Variants in NEXMIF observed in about 807,000 individuals in gnomAD.
The protein encoded by NEXMIF is XLMR protein related to neurite extension.
A neutral mutation model predicts 62.1 loss-of-function variants in NEXMIF; 8 were observed. That is an observed-to-expected ratio of 0.13 (90% CI 0.08 to 0.23). NEXMIF has a LOEUF of 0.23. Ranked by LOEUF, NEXMIF falls within the 10% of genes least tolerant of loss-of-function variation. The pLI is 1.00. For missense variants in NEXMIF, 976 were observed against 1,113.3 expected (o/e 0.88, Z 1.75); for synonymous variants, 404 against 416.6 (o/e 0.97, Z 0.37).
At chrX:74,771,999 A>C (rs1263007047) in intron 1 of NEXMIF, among the ~76,000 whole-genome samples, 1 of 111,499 alleles carries the variant, frequency 9.0e-6, no homozygotes, top group Non-Finnish European at 1.9e-5. Flanking sequence ...GTGGTAATTC[A>C]AGGAGGGGGA....
intron 1 of NEXMIF, among the ~76,000 whole-genome samples, chrX:74,820,755 C>A (rs960518581): frequency 1.8e-5 from 2 of 111,878 alleles, no homozygotes; most frequent in African/African-American, 6.5e-5. Flanking sequence ...AGGAACATTT[C>A]TGTTCCTAAT....
rs1035787865 is a variant in NEXMIF, at chrX:74,863,005, T to C, written c.-48+61878A>G. Among the ~76,000 whole-genome samples the C allele has an allele frequency of 4.6e-5, 5 of 109,638 alleles. No homozygotes were observed. In the Admixed American group the frequency reaches 4.9e-4, roughly 11 times the overall value. ...GGCTAACATGGTGAAACTCGGTCCC[T>C]ACAAAAAAATACAAAACTTAGCCGG... On this transcript the variant is annotated intron_variant, in intron 1 of 3. Coordinates refer to ENST00000055682, the MANE Select transcript of NEXMIF (RefSeq NM_001008537.3).
chrX:74,809,650 T>G (rs2080354860), intron 1 of NEXMIF, among the ~76,000 whole-genome samples: 2 of 111,688 alleles, frequency 1.8e-5, no homozygotes, highest in African/African-American at 6.5e-5. Flanking sequence ...ATGAAGAAAC[T>G]GAGTCATATG....
intron 1 of NEXMIF, among the ~76,000 whole-genome samples, chrX:74,794,491 T>C (rs1450362701): frequency 4.5e-5 from 5 of 111,676 alleles, no homozygotes; most frequent in Non-Finnish European, 9.4e-5. Context: ...CCTTGAGCTG[T>C]GGTGGGCTCC....
At chrX:74,835,772 C>T (rs1014393141) in intron 1 of NEXMIF, among the ~76,000 whole-genome samples, 2 of 111,262 alleles carry the variant, frequency 1.8e-5, no homozygotes, top group African/African-American at 6.5e-5. Flanking sequence ...ACCTGGCTAC[C>T]ACCCACATTT....
At chrX:74,842,528 G>T (rs2080477342) in intron 1 of NEXMIF, among the ~76,000 whole-genome samples, 1 of 110,755 alleles carries the variant, frequency 9.0e-6, no homozygotes, top group Non-Finnish European at 1.9e-5. Flanking sequence ...GAGTTGATTT[G>T]TTCTTACTTC....
At chrX:74,872,921 T>A (rs930952060) in intron 1 of NEXMIF, among the ~76,000 whole-genome samples, 1 of 110,587 alleles carries the variant, frequency 9.0e-6, no homozygotes, top group African/African-American at 3.3e-5. Flanking sequence ...GTGCAATGCC[T>A]TATTTTTTTA....
intron 1 of NEXMIF, among the ~76,000 whole-genome samples, chrX:74,923,395 G>T (rs1320502444): frequency 8.9e-6 from 1 of 112,328 alleles, no homozygotes; most frequent in Non-Finnish European, 1.9e-5. Context: ...ATATTTCACT[G>T]GGATAGAGTT....
chrX:74,847,187 A>T (rs187241736), intron 1 of NEXMIF, among the ~76,000 whole-genome samples: 6 of 112,318 alleles, frequency 5.3e-5, no homozygotes, highest in Admixed American at 1.9e-4. Flanking sequence ...TTGAGGCTTC[A>T]TAAGTCTGGG....
chrX:74,852,341 G>A (rs1400649187), intron 1 of NEXMIF, among the ~76,000 whole-genome samples: 1 of 111,157 alleles, frequency 9.0e-6, no homozygotes, highest in Non-Finnish European at 1.9e-5. Flanking sequence ...AGATCTAAAG[G>A]GAGAGATAGA....
At chrX:74,787,649 C>A (rs2080265492) in intron 1 of NEXMIF, among the ~76,000 whole-genome samples, 1 of 111,505 alleles carries the variant, frequency 9.0e-6, no homozygotes, top group African/African-American at 3.3e-5. Flanking sequence ...GCAGGGGAGC[C>A]CAGAGGGTTG....
At chrX:74,811,041 A>G (rs1262343086) in intron 1 of NEXMIF, among the ~76,000 whole-genome samples, 1 of 111,842 alleles carries the variant, frequency 8.9e-6, no homozygotes, top group Non-Finnish European at 1.9e-5. Context: ...AAGGGAAATT[A>G]CTACTATCCA....
intron 1 of NEXMIF, among the ~76,000 whole-genome samples, chrX:74,806,057 C>T: frequency 9.0e-6 from 1 of 110,979 alleles, no homozygotes; most frequent in Admixed American, 9.6e-5. Context: ...TTTTTGGATA[C>T]CAGTCCTTTA....
intron 1 of NEXMIF, among the ~76,000 whole-genome samples, chrX:74,876,877 ATGTG>A (rs1174911808): frequency 3.6e-5 from 4 of 109,713 alleles, no homozygotes; most frequent in African/African-American, 1.3e-4. Context: ...TTTTGAGCCT[ATGTG>A]TGTCTCTGCA....
intron 1 of NEXMIF, among the ~76,000 whole-genome samples, chrX:74,831,091 ACAGT>A (rs1172162067): frequency 2.7e-5 from 3 of 111,088 alleles, no homozygotes; most frequent in Non-Finnish European, 5.7e-5. Flanking sequence ...AATAGTGGAG[ACAGT>A]CAGCATCCTT....
intron 1 of NEXMIF, among the ~76,000 whole-genome samples, chrX:74,831,440 G>T (rs1256855590): frequency 2.9e-5 from 3 of 105,226 alleles, no homozygotes; most frequent in African/African-American, 1.0e-4. Context: ...GAGAACATGC[G>T]GTGTTTGGTT....
At chrX:74,878,546 A>C in intron 1 of NEXMIF, among the ~76,000 whole-genome samples, 1 of 112,468 alleles carries the variant, frequency 8.9e-6, no homozygotes, top group East Asian at 2.8e-4. Flanking sequence ...TGCTTTGTTT[A>C]CCTAAGCAAG....
chrX:74,805,737 A>T (rs1173042300), intron 1 of NEXMIF, among the ~76,000 whole-genome samples: 1 of 111,556 alleles, frequency 9.0e-6, no homozygotes, highest in Non-Finnish European at 1.9e-5. Flanking sequence ...TTGAATAGGG[A>T]GTCTTTTCTC....
At chrX:74,913,398 G>A (rs779550671) in intron 1 of NEXMIF, among the ~76,000 whole-genome samples, 4 of 111,013 alleles carry the variant, frequency 3.6e-5, no homozygotes, top group South Asian at 3.8e-4. Context: ...AACAGGCCTC[G>A]GGGACCTGTA....
Sources: gnomAD v4.1 joint callset for allele counts (sites outside exome capture counted in the v4.1 genomes callset) on GRCh38, gnomAD v4.1.1 for gene constraint, MANE v1.5 for transcripts, NCBI Gene and HGNC (gene_info 2026-07-23, HGNC 2026-07-21) for gene names.